HDLBP: variants seen among roughly 807,000 people sequenced by gnomAD.
HDLBP encodes high density lipoprotein binding protein.
HDLBP carries 30 observed loss-of-function variants against 137.3 expected under a neutral mutation model. The ratio of observed to expected loss-of-function variants is 0.22; its 90% CI spans 0.16 to 0.30. The LOEUF (loss-of-function observed/expected upper bound fraction) is 0.30. HDLBP is among the 10% of genes least tolerant of loss of function. The pLI, the probability that HDLBP is intolerant of heterozygous loss-of-function variation, is 1.00. For synonymous variants in HDLBP, 606 were observed against 596.0 expected (o/e 1.02, Z -0.24); for missense variants, 1,119 against 1,667.3 (o/e 0.67, Z 5.73).
intron 1 of HDLBP, among the ~76,000 whole-genome samples, chr2:241,314,839 G>C (rs575130487): frequency 6.6e-6 from 1 of 152,202 alleles, no homozygotes; most frequent in Non-Finnish European, 1.5e-5. Context: ...TAGGAACTCA[G>C]GAAGTGTTTC....
At chr2:241,229,783 T>TGGGGG in intron 27 of HDLBP, 50 bp downstream of exon 27, 1 of 1,524,628 alleles carries the variant, frequency 6.6e-7, no homozygotes, top group Non-Finnish European at 9.0e-7. Flanking sequence ...CAAGCCCGCC[T>TGGGGG]GCCCGCCCAC....
rs565544682 is a variant in HDLBP, at chr2:241,256,915, G to A, written c.451-109C>T. ...CACCATCTTTGCTTATTCCTGCCCA[G>A]CAGCACCAACTCATCCATTAAAACA... On this transcript the variant is annotated intron_variant, in intron 5 of 27. Coordinates refer to ENST00000310931, the MANE Select transcript of HDLBP (RefSeq NM_005336.6). The A allele has an allele frequency of 1.7e-5, 15 of 879,708 alleles. No homozygotes were observed. In the African/African-American group the frequency reaches 2.2e-4, roughly 13 times the overall value. The allele number at this position is 879,708 out of a possible 1,614,324, so 54.5% of individuals were successfully genotyped here.
chr2:241,278,725 A>G (rs2074488768), intron 1 of HDLBP, among the ~76,000 whole-genome samples: 1 of 152,184 alleles, frequency 6.6e-6, no homozygotes, highest in Non-Finnish European at 1.5e-5. Flanking sequence ...ATTCACAGAC[A>G]ATATAACTGT....
intron 1 of HDLBP, among the ~76,000 whole-genome samples, chr2:241,300,975 TA>T (rs2075376343): frequency 6.7e-6 from 1 of 149,034 alleles, no homozygotes; most frequent in South Asian, 2.1e-4. Context: ...TTATTATTAT[TA>T]TTATTATTAT....
chr2:241,248,480 C>G, intron 12 of HDLBP, 132 bp from the exon 13 acceptor site: 1 of 714,086 alleles, frequency 1.4e-6, no homozygotes. Context: ...CAGGTGGCAC[C>G]TCGTAGCACC....
At chr2:241,236,133 C>G (rs943341836) in intron 21 of HDLBP, 1 of 198,848 alleles carries the variant, frequency 5.0e-6, no homozygotes, top group Non-Finnish European at 1.0e-5. Context: ...GATATATCTG[C>G]GTTGACTGCT....
At chr2:241,273,571 C>T in intron 1 of HDLBP, 1 of 982,854 alleles carries the variant, frequency 1.0e-6, no homozygotes, top group Non-Finnish European at 1.2e-6. Flanking sequence ...ATAACTGCCA[C>T]TGTTTCTTTT....
chr2:241,230,893 T>C lies in HDLBP; in HGVS notation c.3340A>G (p.Arg1114Gly), dbSNP rs760438598. The change falls in exon 25 of 28, where the codon AGG (arginine) becomes GGG (glycine). Residue 1114 changes from arginine to glycine, a missense_variant. Physicochemically the swap from Arg to Gly is moderately radical, Grantham distance 125. Around this residue, in one of 4 missense-constraint regions of HDLBP, gnomAD observed 618 missense variants for 816.7 expected, o/e 0.76. Transcript: ENST00000310931. This position sits in a 1 kb window ranked among gnomAD's most constrained non-coding sequence, Gnocchi z 5.0. ...CCCACAATTCTCAGTATAGCATCCC[T>C]GGCAGCTTCTGTGTTCTTTTCGTAC... is the stretch of plus-strand genomic sequence containing the variant. ...TGYEKNTEAA[R>G]DAILRIVGEL... 1 of 1,614,238 alleles carries C rather than the reference T, an allele frequency of 6.2e-7. No individual in the cohort carries two copies. The highest frequency in any genetic ancestry group is 1.1e-5 in the South Asian group (1 of 91,088).
At chr2:241,257,641 C>T (rs1438669579) in intron 5 of HDLBP, among the ~76,000 whole-genome samples, 1 of 152,158 alleles carries the variant, frequency 6.6e-6, no homozygotes, top group African/African-American at 2.4e-5. Context: ...AGAAAACACT[C>T]CTTAAAATAG....
At position 241,261,434 on chromosome 2, in the gene HDLBP, T is replaced by C. The variant is rs558758157; in HGVS notation, c.450+1277A>G. 4.6e-5 allele frequency among the ~76,000 whole-genome samples: 7 copies of C among 152,270 alleles called. No homozygotes were observed. In the South Asian group the frequency reaches 1.5e-3, roughly 32 times the overall value. ...GAGTTAGGAGCACAATGACTATATA[T>C]ATGTATACATGAAAACGGGAAGATC... On this transcript the variant is annotated intron_variant, in intron 5 of 27. Coordinates refer to ENST00000310931, the MANE Select transcript of HDLBP (RefSeq NM_005336.6).
At chr2:241,285,716 C>G (rs1173571132) in intron 1 of HDLBP, among the ~76,000 whole-genome samples, 2 of 152,078 alleles carry the variant, frequency 1.3e-5, no homozygotes, top group Non-Finnish European at 2.9e-5. Context: ...ACTGAAATTT[C>G]AAGAAAAACA....
rs182860339 is a variant in HDLBP at position 241,303,725 on chromosome 2, A to G, written c.-103+11845T>C. ...AGACTGGATTATTTCTACATGAAGC[A>G]TATCTCTCAGAGCCTAAAAAGCTGA... On this transcript the variant is annotated intron_variant, in intron 1 of 27. Transcript: ENST00000310931. 4.6e-5 allele frequency among the ~76,000 whole-genome samples: 7 copies of G among 152,362 alleles called. No individual in the cohort carries two copies. The East Asian group carries it at 9.6e-4, about 21-fold the overall frequency.
intron 1 of HDLBP, among the ~76,000 whole-genome samples, chr2:241,292,706 G>C (rs1441865843): frequency 6.6e-6 from 1 of 152,148 alleles, no homozygotes; most frequent in Non-Finnish European, 1.5e-5. Context: ...GGAGTGGGCA[G>C]GGCTATAGTA....
rs1254233392 is a variant in HDLBP at position 241,272,473 on chromosome 2, C to A, written c.-102-3932G>T. The A allele has an allele frequency of 2.0e-6, 2 of 984,418 alleles. No individual in the cohort carries two copies. Among genetic ancestry groups the A allele is most frequent in the African/African-American group, 1.8e-5 (1 of 57,142 alleles). 61.0% of individuals were successfully genotyped at this position (984,418 alleles called of 1,614,324 possible). On this transcript the variant is annotated intron_variant, in intron 1 of 27. Coordinates refer to ENST00000310931, the MANE Select transcript of HDLBP (RefSeq NM_005336.6). The surrounding 1 kb of genome is among the most constrained non-coding windows in gnomAD (Gnocchi z 5.6). ...CAGCTTGCAGCCAAGAGCGGCCCAG[C>A]GGCGCCACCGGACTTGAGAAAGTTT...
At chr2:241,279,065 G>GA (rs979917585) in intron 1 of HDLBP, among the ~76,000 whole-genome samples, 4 of 148,894 alleles carry the variant, frequency 2.7e-5, no homozygotes, top group South Asian at 2.1e-4. Context: ...ATCTAATTAA[G>GA]AAAAAAAATG....
chr2:241,309,595 T>C (rs185545880), intron 1 of HDLBP, among the ~76,000 whole-genome samples: 3 of 151,714 alleles, frequency 2.0e-5, no homozygotes, highest in Admixed American at 2.0e-4. Flanking sequence ...AAAAACAGAG[T>C]TGGCTGATAG....
intron 1 of HDLBP, among the ~76,000 whole-genome samples, chr2:241,296,168 T>C (rs527803336): frequency 1.3e-5 from 2 of 151,306 alleles, no homozygotes; most frequent in African/African-American, 4.8e-5. Context: ...CAATGGTAAT[T>C]AGCACTTGGT....
At chr2:241,280,733 T>C (rs1275530702) in intron 1 of HDLBP, among the ~76,000 whole-genome samples, 1 of 152,240 alleles carries the variant, frequency 6.6e-6, no homozygotes, top group Non-Finnish European at 1.5e-5. Context: ...TCACCTTGGC[T>C]AGTTGTTTAA....
At position 241,239,820 on chromosome 2, in the gene HDLBP, C is replaced by A; in HGVS notation, c.2392G>T (p.Asp798Tyr). 1 of 1,613,560 alleles carries A rather than the reference C, an allele frequency of 6.2e-7. No homozygotes were observed. The highest frequency in any genetic ancestry group is 8.5e-7 in the Non-Finnish European group (1 of 1,179,728). Reference sequence around the variant, plus strand: ...AGCATGGAGTCTTCCACCACATTATCCTGCAGTGTTAAGAAGAGATGGAAG... The same window carrying A: ...AGCATGGAGTCTTCCACCACATTATACTGCAGTGTTAAGAAGAGATGGAAG... ...KELEALIQNL[D>Y]NVVEDSMLVD... is the part of the protein sequence containing the mutation. The change falls in exon 19 of 28, where the codon GAT (aspartate) becomes TAT (tyrosine). Residue 798 changes from aspartate to tyrosine, a missense_variant and splice_region_variant. Asp to Tyr is a radical substitution (Grantham distance 160). Around this residue, in one of 4 missense-constraint regions of HDLBP, gnomAD observed 618 missense variants for 816.7 expected, o/e 0.76. Transcript: ENST00000310931. The surrounding 1 kb of genome is among the most constrained non-coding windows in gnomAD (Gnocchi z 4.6).
Sources: allele counts gnomAD v4.1 joint callset (sites outside exome capture counted in the v4.1 genomes callset), GRCh38; gene constraint gnomAD v4.1.1; regional missense constraint gnomAD v4.1.1; non-coding constraint Gnocchi (gnomAD v3.1); transcripts MANE v1.5; gene names NCBI Gene and HGNC (gene_info 2026-07-23, HGNC 2026-07-21).